Variants in GALNT10 observed in about 807,000 individuals in gnomAD.
GALNT10 encodes GalNAc transferase 10.
A neutral mutation model predicts 75.0 loss-of-function variants in GALNT10; 41 were observed. The ratio of observed to expected loss-of-function variants is 0.55; its 90% CI spans 0.43 to 0.71. The LOEUF (loss-of-function observed/expected upper bound fraction) is 0.71. GALNT10 is among the 30% of genes least tolerant of loss of function. GALNT10 has a pLI of 0.00. For missense variants in GALNT10, 727 were observed against 818.5 expected, an observed-to-expected ratio of 0.89 and a Z score of 1.36; for synonymous variants, 302 against 313.0, an observed-to-expected ratio of 0.96 and a Z score of 0.37.
At chr5:154,371,555 TGTGTGTGTAC>T (rs1448062754) in intron 4 of GALNT10, among the ~76,000 whole-genome samples, 11 of 54,270 alleles carry the variant, frequency 2.0e-4, no homozygotes, top group African/African-American at 4.7e-4. Context: ...TGTGTGTGTG[TGTGTGTGTAC>T]ACACACACAC....
At chr5:154,405,325 A>T (rs371908496) in intron 8 of GALNT10, among the ~76,000 whole-genome samples, 19 of 152,148 alleles carry the variant, frequency 1.2e-4, no homozygotes, top group East Asian at 1.2e-3. Flanking sequence ...AGTGGGTGGG[A>T]GCTGAGCTCC....
At chr5:154,401,131 C>T (rs1470454928) in intron 7 of GALNT10, among the ~76,000 whole-genome samples, 7 of 152,210 alleles carry the variant, frequency 4.6e-5, no homozygotes, top group African/African-American at 1.7e-4. Flanking sequence ...CAGGAACCTT[C>T]AGGCTGATGG....
chr5:154,389,727 C>A (rs1450232522), intron 7 of GALNT10: 1 of 151,818 alleles, frequency 6.6e-6, no homozygotes, highest in Non-Finnish European at 1.5e-5. Context: ...ATAAAAAAGA[C>A]TCCAATAAAT....
At chr5:154,349,657 A>G (rs153422) in intron 4 of GALNT10, 108,561 of 151,918 alleles carry the variant, frequency 0.71, 39,220 homozygotes, top group Admixed American at 0.81. Context: ...TGTGCTGATC[A>G]GTAGTGGGAT....
At chr5:154,380,123 G>A (rs1245226725) in intron 5 of GALNT10, among the ~76,000 whole-genome samples, 3 of 152,140 alleles carry the variant, frequency 2.0e-5, no homozygotes, top group Non-Finnish European at 2.9e-5. Context: ...AATAAGGCAC[G>A]TATGCTAAGC....
chr5:154,197,402 T>C (rs1453599011), intron 1 of GALNT10, among the ~76,000 whole-genome samples: 1 of 152,190 alleles, frequency 6.6e-6, no homozygotes, highest in African/African-American at 2.4e-5. Context: ...GTTCATACTT[T>C]GGAAGCTAGA....
At chr5:154,375,495 G>A (rs545108137) in intron 4 of GALNT10, among the ~76,000 whole-genome samples, 208 of 152,324 alleles carry the variant, frequency 1.4e-3, no homozygotes, top group Non-Finnish European at 2.5e-3. Flanking sequence ...ATTAGGATAA[G>A]CAAGGAGAGG....
Position 154,376,434 on chromosome 5 carries a change from C to G in GALNT10, c.726C>G (p.Ala242=). ...CATTCTTGGATTCACACTGTGAAGC[C>G]AATGTCAACTGGCTTCCCCCCTTGC... The part of the protein sequence containing the change: ...VITFLDSHCE[A]NVNWLPPLLD... The change falls in exon 5 of 12, where the codon GCC becomes GCG. Residue 242 remains alanine (A), a synonymous_variant. Transcript: ENST00000297107. This position sits in a 1 kb window ranked among gnomAD's most constrained non-coding sequence, Gnocchi z 4.1. The G allele has an allele frequency of 6.3e-7, 1 of 1,590,052 alleles. No individual in the cohort carries two copies. Among genetic ancestry groups the G allele is most frequent in the East Asian group, 2.3e-5 (1 of 43,914 alleles).
At chr5:154,406,746 G>A (rs1289221566) in intron 8 of GALNT10, among the ~76,000 whole-genome samples, 2 of 152,140 alleles carry the variant, frequency 1.3e-5, no homozygotes, top group South Asian at 2.1e-4. Context: ...GCAGTGAGCC[G>A]AGACTGAGCC....
intron 1 of GALNT10, among the ~76,000 whole-genome samples, chr5:154,219,145 C>G (rs78972055): frequency 0.059 from 9,009 of 152,268 alleles, 866 homozygotes; most frequent in African/African-American, 0.2. Flanking sequence ...TCGCCTTTGG[C>G]TCCCAATGTA....
At chr5:154,385,993 A>G (rs1014339628) in intron 6 of GALNT10, among the ~76,000 whole-genome samples, 4 of 152,206 alleles carry the variant, frequency 2.6e-5, no homozygotes, top group Non-Finnish European at 4.4e-5. Flanking sequence ...TAGTGAGAGG[A>G]CTAACATGTA....
At chr5:154,292,434 G>T (rs1754207712) in intron 1 of GALNT10, among the ~76,000 whole-genome samples, 2 of 152,220 alleles carry the variant, frequency 1.3e-5, no homozygotes, top group African/African-American at 4.8e-5. Flanking sequence ...TCCTCAGTTT[G>T]CAGAGCCTCT....
chr5:154,282,259 A>G (rs1754049895), intron 1 of GALNT10, among the ~76,000 whole-genome samples: 1 of 152,170 alleles, frequency 6.6e-6, no homozygotes, highest in Non-Finnish European at 1.5e-5. Flanking sequence ...AGCTCTCATG[A>G]GCTAATCACA....
At chr5:154,308,968 G>T (rs559977875) in intron 3 of GALNT10, among the ~76,000 whole-genome samples, 1 of 152,262 alleles carries the variant, frequency 6.6e-6, no homozygotes, top group African/African-American at 2.4e-5. Context: ...TCCACTGGGG[G>T]TAGGGGTGGG....
At chr5:154,293,611 A>ATTTTTTTTTTTTTTTTTT (rs912343114) in intron 1 of GALNT10, among the ~76,000 whole-genome samples, 32 of 96,774 alleles carry the variant, frequency 3.3e-4, no homozygotes, top group Non-Finnish European at 5.7e-4. Flanking sequence ...ATATATATAT[A>ATTTTTTTTTTTTTTTTTT]TATTTTTTTT....
At chr5:154,383,551 CCTCTCTCTGGAGGCA>C (rs2113181875) in intron 6 of GALNT10, among the ~76,000 whole-genome samples, 1 of 152,174 alleles carries the variant, frequency 6.6e-6, no homozygotes, top group East Asian at 1.9e-4. Flanking sequence ...GGCAGAGAGG[CCTCTCTCTGGAGGCA>C]AAGCCTCGAG....
At chr5:154,326,073 CA>C (rs201544546) in intron 3 of GALNT10, among the ~76,000 whole-genome samples, 271 of 143,256 alleles carry the variant, frequency 1.9e-3, no homozygotes, top group East Asian at 7.6e-3. Flanking sequence ...TACACACTAG[CA>C]AAAAAAAAAA....
intron 7 of GALNT10, among the ~76,000 whole-genome samples, chr5:154,393,962 A>C (rs999604301): frequency 1.3e-5 from 2 of 152,218 alleles, no homozygotes; most frequent in African/African-American, 4.8e-5. Flanking sequence ...GAGATTCTGC[A>C]CAAGTCAGCA....
chr5:154,211,913 C>T (rs546016450), intron 1 of GALNT10, among the ~76,000 whole-genome samples: 204 of 152,286 alleles, frequency 1.3e-3, no homozygotes, highest in Non-Finnish European at 1.1e-3. Flanking sequence ...AGGACCTGGT[C>T]TCCAAAGCTA....
Sources: allele counts gnomAD v4.1 joint callset (sites outside exome capture counted in the v4.1 genomes callset), GRCh38; gene constraint gnomAD v4.1.1; non-coding constraint Gnocchi (gnomAD v3.1); transcripts MANE v1.5; gene names NCBI Gene and HGNC (gene_info 2026-07-23, HGNC 2026-07-21).